Variants in NPAS3 observed in about 807,000 individuals in gnomAD.
NPAS3 encodes the protein neuronal PAS domain-containing protein 3.
Under a neutral mutation model 73.1 loss-of-function variants are expected in NPAS3, and 14 were observed. That is an observed-to-expected ratio of 0.19 (90% CI 0.13 to 0.30). NPAS3 has a LOEUF of 0.30. NPAS3 is among the 10% of genes least tolerant of loss of function. The pLI, the probability that NPAS3 is intolerant of heterozygous loss-of-function variation, is 1.00. For missense variants in NPAS3, 1,096 were observed against 1,250.0 expected (o/e 0.88, Z 1.86); for synonymous variants, 620 against 541.5 (o/e 1.14, Z -2.01).
chr14:33,455,088 T>C (rs1185891878), intron 4 of NPAS3, among the ~76,000 whole-genome samples: 1 of 152,230 alleles, frequency 6.6e-6, no homozygotes, highest in African/African-American at 2.4e-5. Context: ...ATCCAGACAG[T>C]TGCTGCAAAT....
chr14:33,062,276 C>A (rs1336776887), intron 2 of NPAS3, among the ~76,000 whole-genome samples: 4 of 145,640 alleles, frequency 2.7e-5, no homozygotes, highest in African/African-American at 1.0e-4. Flanking sequence ...TCTCATTGTT[C>A]AATTCCCACC....
At chr14:32,982,521 G>A (rs993181003) in intron 1 of NPAS3, among the ~76,000 whole-genome samples, 17 of 151,942 alleles carry the variant, frequency 1.1e-4, no homozygotes, top group African/African-American at 4.1e-4. Context: ...ACCAACCTGG[G>A]CAACATAGTG....
intron 4 of NPAS3, among the ~76,000 whole-genome samples, chr14:33,443,226 C>G (rs2049331833): frequency 6.6e-6 from 1 of 151,504 alleles, no homozygotes; most frequent in Non-Finnish European, 1.5e-5. Context: ...CTAAAAACAT[C>G]ATTATACTTA....
Position 33,520,227 on chromosome 14 carries a change from G to A in NPAS3, c.469-39894G>A, listed in dbSNP as rs372766515. ...CTCAAGAAGGAGTGAGTGTTTCTCC[G>A]GGTTATATAGTTTCTGTGCCTCAGA... On this transcript the variant is annotated intron_variant, in intron 4 of 11. Transcript: ENST00000356141. 2.8e-3 allele frequency among the ~76,000 whole-genome samples: 421 copies of A among 152,162 alleles called. 4 individuals carry two copies. Among genetic ancestry groups the A allele is most frequent in the African/African-American group, 9.2e-3 (384 of 41,522 alleles).
intron 6 of NPAS3, among the ~76,000 whole-genome samples, chr14:33,681,884 G>GACAA (rs148501715): frequency 0.35 from 52,564 of 150,964 alleles, 11,909 homozygotes; most frequent in African/African-American, 0.64. Flanking sequence ...AAGGGTAAGT[G>GACAA]ACAAACAGTG....
At chr14:33,113,508 C>G (rs1003076645) in intron 2 of NPAS3, among the ~76,000 whole-genome samples, 19 of 152,120 alleles carry the variant, frequency 1.2e-4, no homozygotes, top group Non-Finnish European at 2.5e-4. Context: ...GATTTTTGCA[C>G]ATTGATTTTG....
intron 2 of NPAS3, among the ~76,000 whole-genome samples, chr14:33,119,211 G>A (rs780146219): frequency 9.9e-5 from 15 of 151,960 alleles, no homozygotes; most frequent in Non-Finnish European, 1.3e-4. Flanking sequence ...TTTATTTTAG[G>A]TTAGGACAAA....
chr14:33,142,834 G>A (rs1264735448), intron 2 of NPAS3, among the ~76,000 whole-genome samples: 2 of 152,214 alleles, frequency 1.3e-5, no homozygotes, highest in East Asian at 1.9e-4. Context: ...CTTAGCGGTG[G>A]CTCACGCCTG....
At chr14:32,999,996 A>G (rs2038745884) in intron 1 of NPAS3, among the ~76,000 whole-genome samples, 1 of 152,176 alleles carries the variant, frequency 6.6e-6, no homozygotes. Flanking sequence ...GCTACAATTG[A>G]CATTTATACA....
At chr14:33,638,837 A>G (rs1288485207) in intron 5 of NPAS3, among the ~76,000 whole-genome samples, 3 of 152,258 alleles carry the variant, frequency 2.0e-5, no homozygotes, top group African/African-American at 7.2e-5. Context: ...AGCCATGAAC[A>G]CAGATATATT....
intron 6 of NPAS3, among the ~76,000 whole-genome samples, chr14:33,695,312 C>T (rs1354617089): frequency 2.4e-4 from 37 of 152,212 alleles, no homozygotes; most frequent in Admixed American, 2.4e-3. Context: ...CACATGTCCA[C>T]TGCTTAATTC....
At chr14:33,105,776 A>G (rs2042706287) in intron 2 of NPAS3, among the ~76,000 whole-genome samples, 1 of 152,136 alleles carries the variant, frequency 6.6e-6, no homozygotes, top group Admixed American at 6.6e-5. Context: ...GATCAAAACT[A>G]TGCTCCTGAA....
intron 3 of NPAS3, among the ~76,000 whole-genome samples, chr14:33,266,175 G>A (rs1167525728): frequency 2.0e-5 from 3 of 152,202 alleles, no homozygotes; most frequent in Non-Finnish European, 4.4e-5. Context: ...TGAAATTAAA[G>A]AGGCCTAACT....
chr14:33,127,283 A>C (rs535788956), intron 2 of NPAS3, among the ~76,000 whole-genome samples: 1 of 152,224 alleles, frequency 6.6e-6, no homozygotes, highest in Non-Finnish European at 1.5e-5. Context: ...TATCTAGTGA[A>C]GGACCTCCCT....
intron 1 of NPAS3, among the ~76,000 whole-genome samples, chr14:32,942,318 G>A (rs2036051390): frequency 6.6e-6 from 1 of 152,118 alleles, no homozygotes; most frequent in Non-Finnish European, 1.5e-5. Context: ...TCTAACCTGT[G>A]TATAGTAATA....
chr14:33,485,362 T>A (rs2051531657), intron 4 of NPAS3, among the ~76,000 whole-genome samples: 1 of 152,140 alleles, frequency 6.6e-6, no homozygotes. Context: ...TTCATTTAAG[T>A]CGGTGCTTGC....
intron 4 of NPAS3, among the ~76,000 whole-genome samples, chr14:33,415,207 A>G (rs769475055): frequency 5.9e-5 from 9 of 152,128 alleles, no homozygotes; most frequent in East Asian, 1.9e-4. Context: ...TATTTATCCT[A>G]TAAATGGAAG....
At chr14:33,438,427 G>T (rs2049088214) in intron 4 of NPAS3, among the ~76,000 whole-genome samples, 1 of 152,014 alleles carries the variant, frequency 6.6e-6, no homozygotes, top group Non-Finnish European at 1.5e-5. Context: ...AGCACAGGGG[G>T]AAAAAAAGAC....
At chr14:33,197,992 G>A (rs1342116145) in intron 2 of NPAS3, among the ~76,000 whole-genome samples, 3 of 152,288 alleles carry the variant, frequency 2.0e-5, no homozygotes, top group Admixed American at 6.5e-5. Context: ...GGTCTCACTG[G>A]CTTCAGGAGT....
Sources: allele counts gnomAD v4.1 joint callset (sites outside exome capture counted in the v4.1 genomes callset), GRCh38; gene constraint gnomAD v4.1.1; transcripts MANE v1.5; gene names NCBI Gene and HGNC (gene_info 2026-07-23, HGNC 2026-07-21).